GPC6: variants seen among roughly 807,000 people sequenced by gnomAD.
GPC6 encodes the protein glypican-6.
A neutral mutation model predicts 55.2 loss-of-function variants in GPC6; 14 were observed. That is an observed-to-expected ratio of 0.25 (90% CI 0.17 to 0.40). The LOEUF (loss-of-function observed/expected upper bound fraction) is 0.40. Ranked by LOEUF, GPC6 falls within the 10% of genes least tolerant of loss-of-function variation. GPC6 has a pLI of 1.00. For synonymous variants in GPC6, 278 were observed against 259.6 expected (o/e 1.07, Z -0.68); for missense variants, 641 against 708.5 (o/e 0.90, Z 1.08).
chr13:94,289,273 C>G (rs534438980), intron 5 of GPC6, among the ~76,000 whole-genome samples: 53 of 152,238 alleles, frequency 3.5e-4, no homozygotes, highest in Non-Finnish European at 1.5e-4. Context: ...GAAACCACTT[C>G]TGTAATAGTT....
chr13:93,728,208 GTT>G (rs1883710207), intron 2 of GPC6, among the ~76,000 whole-genome samples: 2 of 78,716 alleles, frequency 2.5e-5, no homozygotes, highest in Non-Finnish European at 7.3e-5. Context: ...TTTTGGTTTT[GTT>G]TGTTTGTTTG....
chr13:94,045,001 T>G (rs898185190), intron 4 of GPC6, among the ~76,000 whole-genome samples: 3 of 151,884 alleles, frequency 2.0e-5, no homozygotes, highest in Admixed American at 2.0e-4. Flanking sequence ...AAGAGTGAGA[T>G]ATATATTTGT....
At chr13:94,307,429 A>G (rs1167620403) in intron 6 of GPC6, among the ~76,000 whole-genome samples, 1 of 151,808 alleles carries the variant, frequency 6.6e-6, no homozygotes, top group East Asian at 1.9e-4. Context: ...TGATCCTCCT[A>G]CCTTAGCTTA....
intron 2 of GPC6, among the ~76,000 whole-genome samples, chr13:93,716,995 G>C (rs1883273109): frequency 6.6e-6 from 1 of 151,552 alleles, no homozygotes; most frequent in Non-Finnish European, 1.5e-5. Flanking sequence ...TTCAGGCTAG[G>C]AGCAACAGGC....
intron 2 of GPC6, among the ~76,000 whole-genome samples, chr13:93,791,807 C>G (rs567361012): frequency 6.6e-6 from 1 of 152,298 alleles, no homozygotes; most frequent in South Asian, 2.1e-4. Context: ...TGATTGTAAA[C>G]TTGTTTAGAT....
chr13:93,713,205 A>G (rs1594393056), intron 2 of GPC6, among the ~76,000 whole-genome samples: 1 of 151,654 alleles, frequency 6.6e-6, no homozygotes, highest in East Asian at 1.9e-4. Flanking sequence ...CAATAAATGC[A>G]ATTACTGGTA....
At chr13:93,672,748 TTCTC>T (rs1042363898) in intron 2 of GPC6, among the ~76,000 whole-genome samples, 22 of 151,772 alleles carry the variant, frequency 1.4e-4, no homozygotes, top group South Asian at 2.1e-4. Flanking sequence ...ATAAAATACA[TTCTC>T]TCAGTAGACA....
chr13:94,263,166 G>A (rs1048021247), intron 4 of GPC6, among the ~76,000 whole-genome samples: 5 of 152,186 alleles, frequency 3.3e-5, no homozygotes, highest in African/African-American at 9.7e-5. Flanking sequence ...GAAGGGCAGC[G>A]TCCTGGAGTT....
chr13:93,417,237 T>C (rs1876733129), intron 1 of GPC6, among the ~76,000 whole-genome samples: 1 of 152,152 alleles, frequency 6.6e-6, no homozygotes, highest in African/African-American at 2.4e-5. Context: ...TCACAGTTTT[T>C]TTGTTATTTT....
Position 93,958,988 on chromosome 13 carries a change from G to A in GPC6, c.712-68741G>A, listed in dbSNP as rs571705884. Among the ~76,000 whole-genome samples, 7 of 152,116 alleles carry A rather than the reference G, an allele frequency of 4.6e-5. No homozygotes were observed. The South Asian group carries it at 1.2e-3, about 27-fold the overall frequency. On this transcript the variant is annotated intron_variant, in intron 3 of 8. Coordinates refer to ENST00000377047, the MANE Select transcript of GPC6 (RefSeq NM_005708.5). Reference sequence around the variant, plus strand: ...TTTATTCTCAGCCTGGGCATTATTGGTATATAGAAATGCTACTGACTTTTG... The same window carrying A: ...TTTATTCTCAGCCTGGGCATTATTGATATATAGAAATGCTACTGACTTTTG...
At chr13:94,013,897 A>G (rs1237591331) in intron 3 of GPC6, among the ~76,000 whole-genome samples, 2 of 152,144 alleles carry the variant, frequency 1.3e-5, no homozygotes, top group African/African-American at 4.8e-5. Context: ...TTTATCCCAG[A>G]CTCAGAAAGT....
chr13:93,501,953 A>C (rs533982559), intron 1 of GPC6, among the ~76,000 whole-genome samples: 2 of 152,270 alleles, frequency 1.3e-5, no homozygotes, highest in South Asian at 4.1e-4. Flanking sequence ...CTTCTAGTAG[A>C]ATGTAGAATA....
At chr13:93,617,330 C>A (rs1878764930) in intron 2 of GPC6, among the ~76,000 whole-genome samples, 1 of 152,120 alleles carries the variant, frequency 6.6e-6, no homozygotes, top group African/African-American at 2.4e-5. Context: ...ACTCTTTAAA[C>A]TCTGTAATGG....
At chr13:94,201,293 T>G (rs1162532070) in intron 4 of GPC6, among the ~76,000 whole-genome samples, 1 of 152,124 alleles carries the variant, frequency 6.6e-6, no homozygotes, top group East Asian at 1.9e-4. Context: ...AATCACCTCC[T>G]GAATATGCTG....
At chr13:93,298,481 T>C (rs9589707) in intron 1 of GPC6, among the ~76,000 whole-genome samples, 20,829 of 152,122 alleles carry the variant, frequency 0.14, 1,614 homozygotes, top group East Asian at 0.36. Flanking sequence ...GTCACCCAGG[T>C]TGGAGTGCAG....
At chr13:94,103,356 C>T (rs1008268375) in intron 4 of GPC6, among the ~76,000 whole-genome samples, 3 of 152,170 alleles carry the variant, frequency 2.0e-5, no homozygotes, top group South Asian at 2.1e-4. Context: ...TACATGTGCA[C>T]GTGTCTTTAT....
At chr13:94,378,586 C>T (rs994909221) in intron 6 of GPC6, among the ~76,000 whole-genome samples, 3 of 152,112 alleles carry the variant, frequency 2.0e-5, no homozygotes, top group Non-Finnish European at 2.9e-5. Context: ...TCTCTACTGA[C>T]ATCAGAAGTT....
At chr13:94,312,301 A>C (rs1368579663) in intron 6 of GPC6, among the ~76,000 whole-genome samples, 1 of 152,268 alleles carries the variant, frequency 6.6e-6, no homozygotes, top group Admixed American at 6.5e-5. Context: ...AAGTACTTAC[A>C]AAAGATCATC....
intron 2 of GPC6, among the ~76,000 whole-genome samples, chr13:93,771,325 C>T (rs1193836143): frequency 1.3e-5 from 2 of 152,146 alleles, no homozygotes; most frequent in African/African-American, 2.4e-5. Context: ...CAGGAAGAAC[C>T]GGAGAGCAAG....
Sources: allele counts gnomAD v4.1 joint callset (sites outside exome capture counted in the v4.1 genomes callset), GRCh38; gene constraint gnomAD v4.1.1; transcripts MANE v1.5; gene names NCBI Gene and HGNC (gene_info 2026-07-23, HGNC 2026-07-21).